CORIN: variants seen among roughly 807,000 people sequenced by gnomAD.
CORIN encodes the protein corin, serine peptidase.
In CORIN, 117 loss-of-function variants were observed where a neutral mutation model predicts 125.3. The ratio of observed to expected loss-of-function variants is 0.93; its 90% CI spans 0.80 to 1.09. CORIN has a LOEUF of 1.09. Ranked by LOEUF, CORIN falls within the 50% of genes least tolerant of loss-of-function variation. The probability of loss-of-function intolerance (pLI) is 0.00; values close to 1 mark genes in which losing one functional copy is unlikely to be tolerated. For synonymous variants in CORIN, 450 were observed against 466.4 expected, an observed-to-expected ratio of 0.96 and a Z score of 0.45; for missense variants, 1,253 against 1,306.7, an observed-to-expected ratio of 0.96 and a Z score of 0.63.
At chr4:47,764,256 G>C (rs924102324) in intron 3 of CORIN, among the ~76,000 whole-genome samples, 4 of 152,122 alleles carry the variant, frequency 2.6e-5, no homozygotes, top group Non-Finnish European at 2.9e-5. Context: ...GCAAAGATTT[G>C]TAATCCCGCC....
intron 5 of CORIN, among the ~76,000 whole-genome samples, chr4:47,729,473 G>A (rs1274821999): frequency 6.6e-6 from 1 of 152,156 alleles, no homozygotes; most frequent in Non-Finnish European, 1.5e-5. Flanking sequence ...CAAGAACGTC[G>A]CAGCAGATGG....
chr4:47,766,392 G>A (rs1388577572), intron 3 of CORIN, among the ~76,000 whole-genome samples: 3 of 151,926 alleles, frequency 2.0e-5, no homozygotes, highest in African/African-American at 7.3e-5. Flanking sequence ...TAGTAAAGAG[G>A]ACAAAGACAC....
chr4:47,657,264 TG>T lies in CORIN; in HGVS notation c.1736-3605del, dbSNP rs1724027729. Reference sequence around the variant, plus strand: ...AATACCTGATACCAGCCAGGCGTGGTGGCTCATGCCTGTAATCCCAGCACTT... The same window carrying T: ...AATACCTGATACCAGCCAGGCGTGGTGCTCATGCCTGTAATCCCAGCACTT... On this transcript the variant is annotated intron_variant, in intron 12 of 21. Transcript: ENST00000273857. Among the ~76,000 whole-genome samples, 4 of 152,264 alleles carry T rather than the reference TG, an allele frequency of 2.6e-5. No homozygotes were observed. The Middle Eastern group carries it at 0.014, about 518-fold the overall frequency.
intron 1 of CORIN, among the ~76,000 whole-genome samples, chr4:47,811,950 A>C (rs1036089777): frequency 6.6e-6 from 1 of 152,178 alleles, no homozygotes; most frequent in Non-Finnish European, 1.5e-5. Context: ...TGAGCCCCTG[A>C]TGTAGTGTAT....
intron 2 of CORIN, among the ~76,000 whole-genome samples, chr4:47,804,255 T>C (rs1273526584): frequency 3.9e-5 from 6 of 152,210 alleles, no homozygotes; most frequent in Admixed American, 2.0e-4. Context: ...ACACTGTTGA[T>C]GGGAATGTAA....
chr4:47,761,086 A>G (rs1729426494), intron 4 of CORIN, among the ~76,000 whole-genome samples: 1 of 152,208 alleles, frequency 6.6e-6, no homozygotes, highest in Admixed American at 6.5e-5. Context: ...AACTTTCTCC[A>G]TATCAGCAAT....
At chr4:47,621,909 T>C (rs2109549734) in intron 19 of CORIN, among the ~76,000 whole-genome samples, 1 of 150,990 alleles carries the variant, frequency 6.6e-6, no homozygotes, top group Non-Finnish European at 1.5e-5. Context: ...GCAGGTTAGT[T>C]ACATATGTAT....
intron 9 of CORIN, among the ~76,000 whole-genome samples, chr4:47,676,637 C>T (rs1380674738): frequency 6.6e-6 from 1 of 152,154 alleles, no homozygotes; most frequent in African/African-American, 2.4e-5. Flanking sequence ...ATAAACACCA[C>T]AATATACATT....
chr4:47,804,533 G>T (rs1209963237), intron 2 of CORIN, among the ~76,000 whole-genome samples: 2 of 151,932 alleles, frequency 1.3e-5, no homozygotes, highest in Non-Finnish European at 2.9e-5. Flanking sequence ...CCATAAAAAG[G>T]ATTAGATACT....
chr4:47,616,931 A>G (rs1722087112), intron 19 of CORIN, among the ~76,000 whole-genome samples: 1 of 152,244 alleles, frequency 6.6e-6, no homozygotes, highest in African/African-American at 2.4e-5. Flanking sequence ...AGTCTTTGAA[A>G]AGATGAAAGG....
chr4:47,803,143 T>G (rs1045502187), intron 2 of CORIN, among the ~76,000 whole-genome samples: 5 of 152,064 alleles, frequency 3.3e-5, no homozygotes, highest in Non-Finnish European at 1.5e-5. Context: ...TTTAAATTAA[T>G]GTAACTGAAG....
rs780800966 is a variant in CORIN at position 47,744,513 on chromosome 4, C to A, written c.688G>T (p.Val230Leu). The part of the protein sequence containing the change: ...KEGCESVLGM[V>L]NYSWPDFLRC... The stretch of plus-strand genomic sequence containing the variant: ...AGGAAATCCGGCCAGGAGTAATTCA[C>A]CATCCCCAGGACTGATTCACAGCCT... Residue 230 changes from valine (V) to leucine (L), a missense_variant, in exon 5 of 22, where the codon GTG becomes TTG. Physicochemically the swap from Val to Leu is conservative, Grantham distance 32 (BLOSUM62 1). Transcript: ENST00000273857. The A allele has an allele frequency of 3.7e-6, 6 of 1,613,798 alleles. No homozygotes were observed. The highest frequency in any genetic ancestry group is 5.1e-6 in the Non-Finnish European group (6 of 1,179,970).
At chr4:47,744,749 G>A (rs2109837976) in intron 4 of CORIN, among the ~76,000 whole-genome samples, 166 bp from the exon 5 acceptor site, 1 of 152,282 alleles carries the variant, frequency 6.6e-6, no homozygotes, top group Non-Finnish European at 1.5e-5. Flanking sequence ...AGTGATTTTA[G>A]CTATTCTATG....
intron 5 of CORIN, among the ~76,000 whole-genome samples, chr4:47,735,148 A>G (rs955650803): frequency 1.3e-5 from 2 of 152,244 alleles, no homozygotes; most frequent in African/African-American, 2.4e-5. Context: ...GCTGGTTGGC[A>G]TACAATATAT....
intron 1 of CORIN, among the ~76,000 whole-genome samples, chr4:47,810,648 C>T (rs1732024720): frequency 6.6e-6 from 1 of 152,172 alleles, no homozygotes; most frequent in South Asian, 2.1e-4. Flanking sequence ...GAAGCACTTT[C>T]TTCCTTTGGC....
At position 47,679,367 on chromosome 4, in the gene CORIN, C is replaced by CT. The variant is rs35035691; in HGVS notation, c.1132+773dup. On this transcript the variant is annotated intron_variant, in intron 8 of 21. Coordinates refer to ENST00000273857, the MANE Select transcript of CORIN (RefSeq NM_006587.4). ...AATTTATATTATTACTACGTTCTCT[C>CT]TTTTTTTTTTTTTAAAGATGGAGTT... is the stretch of plus-strand genomic sequence containing the variant. Among the ~76,000 whole-genome samples, 498 of 147,642 alleles carry CT rather than the reference C, an allele frequency of 3.4e-3. 2 individuals carry two copies. Among genetic ancestry groups the CT allele is most frequent in the African/African-American group, 0.011 (440 of 40,044 alleles).
At chr4:47,640,664 A>C (rs925241604) in intron 16 of CORIN, among the ~76,000 whole-genome samples, 15 of 152,248 alleles carry the variant, frequency 9.9e-5, no homozygotes, top group African/African-American at 3.6e-4. Flanking sequence ...TTAACACAAT[A>C]AAAATCCCAA....
At chr4:47,821,540 A>T (rs1018010397) in intron 1 of CORIN, among the ~76,000 whole-genome samples, 3 of 152,004 alleles carry the variant, frequency 2.0e-5, no homozygotes, top group Non-Finnish European at 2.9e-5. Flanking sequence ...TCAAGGTATT[A>T]AGAATTATGT....
chr4:47,824,310 G>A (rs201786574), intron 1 of CORIN, among the ~76,000 whole-genome samples: 24 of 139,038 alleles, frequency 1.7e-4, no homozygotes, highest in Non-Finnish European at 2.3e-4. Context: ...AACAACAACA[G>A]AAAAAAAAAA....
Sources: allele counts gnomAD v4.1 joint callset (sites outside exome capture counted in the v4.1 genomes callset), GRCh38; gene constraint gnomAD v4.1.1; transcripts MANE v1.5; gene names NCBI Gene and HGNC (gene_info 2026-07-23, HGNC 2026-07-21).